Variants in MRPS27 observed in about 807,000 individuals in gnomAD.
The protein encoded by MRPS27 is small ribosomal subunit protein mS27.
A neutral mutation model predicts 48.9 loss-of-function variants in MRPS27; 43 were observed. The observed-to-expected ratio is 0.88, with a 90% CI of 0.69 to 1.13. MRPS27 has a LOEUF of 1.13. Ranked by LOEUF, MRPS27 falls within the 50% of genes most tolerant of loss-of-function variation. The pLI, the probability that MRPS27 is intolerant of heterozygous loss-of-function variation, is 0.00. For missense variants in MRPS27, 467 were observed against 476.3 expected, an observed-to-expected ratio of 0.98 and a Z score of 0.18; for synonymous variants, 188 against 171.9, an observed-to-expected ratio of 1.09 and a Z score of -0.73.
intron 4 of MRPS27, among the ~76,000 whole-genome samples, chr5:72,246,547 C>T (rs1317608934): frequency 6.6e-6 from 1 of 152,192 alleles, no homozygotes; most frequent in Non-Finnish European, 1.5e-5. Context: ...AAAAAACAGA[C>T]TCCTTTCAAC....
intron 4 of MRPS27, among the ~76,000 whole-genome samples, chr5:72,264,915 G>A (rs1170636610): frequency 2.6e-5 from 4 of 152,098 alleles, no homozygotes; most frequent in Non-Finnish European, 1.5e-5. Context: ...AAAAAACAAC[G>A]GAGGAAGTAC....
At chr5:72,237,023 G>A (rs1408200090) in intron 5 of MRPS27, among the ~76,000 whole-genome samples, 1 of 151,030 alleles carries the variant, frequency 6.6e-6, no homozygotes, top group Non-Finnish European at 1.5e-5. Context: ...AGGCTCAGGT[G>A]ATCCTCCTAC....
At chr5:72,252,479 T>C (rs1473210595) in intron 4 of MRPS27, among the ~76,000 whole-genome samples, 1 of 152,172 alleles carries the variant, frequency 6.6e-6, no homozygotes, top group Non-Finnish European at 1.5e-5. Context: ...GTACTTACCA[T>C]GTGCCAAGCA....
At chr5:72,290,425 GC>G (rs1561356582) in intron 4 of MRPS27, among the ~76,000 whole-genome samples, 1 of 152,136 alleles carries the variant, frequency 6.6e-6, no homozygotes, top group Non-Finnish European at 1.5e-5. Context: ...AGAAATTGTA[GC>G]CCCATCTGCG....
intron 10 of MRPS27, among the ~76,000 whole-genome samples, chr5:72,223,363 G>A (rs1747804013): frequency 6.6e-6 from 1 of 152,168 alleles, no homozygotes; most frequent in African/African-American, 2.4e-5. Context: ...TTTCCACCTG[G>A]GGTGGGAGTC....
chr5:72,246,091 G>A (rs150576906), intron 4 of MRPS27, among the ~76,000 whole-genome samples: 34 of 152,214 alleles, frequency 2.2e-4, no homozygotes, highest in African/African-American at 3.4e-4. Context: ...ATCATTTTGC[G>A]TCTACAAACA....
chr5:72,275,270 C>A (rs985399345), intron 4 of MRPS27, among the ~76,000 whole-genome samples: 21 of 152,114 alleles, frequency 1.4e-4, no homozygotes, highest in African/African-American at 4.1e-4. Context: ...TGAGTGAACT[C>A]CCATTCACAA....
chr5:72,261,208 C>T (rs1554058824), intron 4 of MRPS27, among the ~76,000 whole-genome samples: 2 of 152,070 alleles, frequency 1.3e-5, no homozygotes, highest in Non-Finnish European at 1.5e-5. Flanking sequence ...TTGAAAGTTG[C>T]TACATTGGTG....
intron 5 of MRPS27, among the ~76,000 whole-genome samples, chr5:72,235,012 C>T (rs1390887546): frequency 2.0e-5 from 3 of 152,100 alleles, no homozygotes; most frequent in Non-Finnish European, 4.4e-5. Flanking sequence ...AGGAATTTTT[C>T]CAAACTATAT....
At chr5:72,296,897 A>C (rs1489754628) in intron 3 of MRPS27, among the ~76,000 whole-genome samples, 2 of 152,220 alleles carry the variant, frequency 1.3e-5, no homozygotes, top group Non-Finnish European at 2.9e-5. Context: ...ACCCATGCTG[A>C]AAATGAGAAA....
intron 4 of MRPS27, among the ~76,000 whole-genome samples, chr5:72,284,460 T>TTC (rs1257638508): frequency 7.9e-5 from 12 of 151,488 alleles, no homozygotes; most frequent in African/African-American, 2.9e-4. Context: ...GTTAATTTCC[T>TTC]TCTGTGTGTG....
At chr5:72,248,428 A>G (rs1748565715) in intron 4 of MRPS27, among the ~76,000 whole-genome samples, 1 of 152,196 alleles carries the variant, frequency 6.6e-6, no homozygotes, top group South Asian at 2.1e-4. Context: ...GCCATACTTT[A>G]GCTAAACAAA....
intron 10 of MRPS27, among the ~76,000 whole-genome samples, chr5:72,223,446 T>C (rs1490218110): frequency 6.6e-6 from 1 of 152,208 alleles, no homozygotes; most frequent in Non-Finnish European, 1.5e-5. Flanking sequence ...GGTAATGACA[T>C]GCCACCTTAG....
At chr5:72,289,479 T>C (rs556867489) in intron 4 of MRPS27, among the ~76,000 whole-genome samples, 2 of 152,156 alleles carry the variant, frequency 1.3e-5, no homozygotes, top group South Asian at 2.1e-4. Context: ...TGGAGTACAG[T>C]GGTATGACCT....
At chr5:72,291,823 C>A (rs1033316303) in intron 4 of MRPS27, among the ~76,000 whole-genome samples, 1 of 152,242 alleles carries the variant, frequency 6.6e-6, no homozygotes, top group African/African-American at 2.4e-5. Context: ...GGCCTATCTC[C>A]AGACCTATTC....
At chr5:72,306,954 A>T (rs539909223) in intron 2 of MRPS27, among the ~76,000 whole-genome samples, 124 of 152,304 alleles carry the variant, frequency 8.1e-4, no homozygotes, top group African/African-American at 2.9e-3. Flanking sequence ...TCTATTAAAA[A>T]GATTCAGAAA....
chr5:72,261,766 C>A (rs939182554), intron 4 of MRPS27, among the ~76,000 whole-genome samples: 14 of 152,332 alleles, frequency 9.2e-5, no homozygotes, highest in African/African-American at 3.4e-4. Flanking sequence ...TTATCCATAA[C>A]TTCTTTCCTG....
At chr5:72,271,634 T>C (rs919333143) in intron 4 of MRPS27, among the ~76,000 whole-genome samples, 1 of 152,216 alleles carries the variant, frequency 6.6e-6, no homozygotes, top group African/African-American at 2.4e-5. Flanking sequence ...TAAAGAGGAT[T>C]AATGAGACAA....
At chr5:72,230,331 C>T (rs1410505147) in intron 7 of MRPS27, among the ~76,000 whole-genome samples, 1 of 152,176 alleles carries the variant, frequency 6.6e-6, no homozygotes, top group Non-Finnish European at 1.5e-5. Flanking sequence ...CCAACTTCCC[C>T]GCTTTATTCT....
Sources: allele counts gnomAD v4.1 joint callset (sites outside exome capture counted in the v4.1 genomes callset), GRCh38; gene constraint gnomAD v4.1.1; transcripts MANE v1.5; gene names NCBI Gene and HGNC (gene_info 2026-07-23, HGNC 2026-07-21).